The following ITGA9 variants were observed in gnomAD, a reference collection of about 807,000 sequenced individuals.
ITGA9 encodes integrin alpha-9.
ITGA9 carries 56 observed loss-of-function variants against 127.8 expected under a neutral mutation model. The observed-to-expected ratio is 0.44, with a 90% CI of 0.35 to 0.55. The LOEUF (loss-of-function observed/expected upper bound fraction) is 0.55, where lower values mean the gene tolerates loss of function less well. ITGA9 is among the 20% of genes least tolerant of loss of function. ITGA9 has a pLI of 0.00. For synonymous variants in ITGA9, 508 were observed against 514.5 expected (o/e 0.99, Z 0.17); for missense variants, 1,196 against 1,347.1 (o/e 0.89, Z 1.76).
chr3:37,481,043 A>G lies in ITGA9; in HGVS notation c.421-441A>G, dbSNP rs544602455. Among the ~76,000 whole-genome samples the G allele has an allele frequency of 9.9e-5, 15 of 151,754 alleles. No individual in the cohort carries two copies. In the South Asian group the frequency reaches 2.7e-3, roughly 27 times the overall value. On this transcript the variant is annotated intron_variant, in intron 3 of 27. Coordinates refer to ENST00000264741, the MANE Select transcript of ITGA9 (RefSeq NM_002207.3). Reference sequence around the variant, plus strand: ...ATCTTATCTCCTTCCCACCATGGTCACTCCAGACCGGCCTTTCTTTCTCTT... The same window carrying G: ...ATCTTATCTCCTTCCCACCATGGTCGCTCCAGACCGGCCTTTCTTTCTCTT...
intron 4 of ITGA9, among the ~76,000 whole-genome samples, chr3:37,482,070 C>T (rs1698561655): frequency 6.6e-6 from 1 of 152,316 alleles, no homozygotes; most frequent in East Asian, 1.9e-4. Flanking sequence ...CATTAGGCTC[C>T]CACACAGCTT....
chr3:37,521,800 T>C (rs1699046454), intron 11 of ITGA9, among the ~76,000 whole-genome samples: 1 of 152,188 alleles, frequency 6.6e-6, no homozygotes, highest in African/African-American at 2.4e-5. Context: ...TTTTAAGAAA[T>C]GTGCAGACAC....
intron 15 of ITGA9, among the ~76,000 whole-genome samples, chr3:37,594,034 C>T (rs1424988839): frequency 6.6e-6 from 1 of 152,252 alleles, no homozygotes; most frequent in Admixed American, 6.5e-5. Context: ...GCTGCAGCCA[C>T]AGGCCACTTT....
At chr3:37,718,224 T>C (rs921543762) in intron 18 of ITGA9, among the ~76,000 whole-genome samples, 1 of 152,228 alleles carries the variant, frequency 6.6e-6, no homozygotes, top group African/African-American at 2.4e-5. Flanking sequence ...TGAGAATTAT[T>C]GTGTAGAAGC....
chr3:37,744,958 G>A (rs1696483614), intron 22 of ITGA9, among the ~76,000 whole-genome samples: 1 of 152,198 alleles, frequency 6.6e-6, no homozygotes, highest in Non-Finnish European at 1.5e-5. Flanking sequence ...AAGGAGATGG[G>A]CCCAACTCAC....
chr3:37,650,520 C>T (rs763424472), intron 16 of ITGA9, among the ~76,000 whole-genome samples: 5 of 152,144 alleles, frequency 3.3e-5, no homozygotes, highest in Admixed American at 6.5e-5. Flanking sequence ...CACCCTCTCT[C>T]TCCTGGGTTC....
intron 27 of ITGA9, among the ~76,000 whole-genome samples, chr3:37,815,473 G>A (rs2125567899): frequency 6.6e-6 from 1 of 152,254 alleles, no homozygotes; most frequent in African/African-American, 2.4e-5. Flanking sequence ...GCTGGGCAGG[G>A]TGGTACACGC....
intron 10 of ITGA9, 142 bp downstream of exon 10, chr3:37,517,751 G>A: frequency 1.4e-6 from 1 of 711,204 alleles, no homozygotes; most frequent in Non-Finnish European, 2.5e-6. Flanking sequence ...CCATCAATGT[G>A]CTGTGGGGAG....
intron 17 of ITGA9, among the ~76,000 whole-genome samples, chr3:37,664,460 T>G (rs1700566326): frequency 1.3e-5 from 2 of 149,840 alleles, no homozygotes; most frequent in African/African-American, 4.9e-5. Context: ...GTTTCGCTCT[T>G]GTTGCCCAGG....
At chr3:37,600,617 C>A (rs1458374774) in intron 15 of ITGA9, among the ~76,000 whole-genome samples, 2 of 152,198 alleles carry the variant, frequency 1.3e-5, no homozygotes, top group Non-Finnish European at 2.9e-5. Flanking sequence ...ACACTGTCAC[C>A]TCCATCTCAA....
At chr3:37,598,793 C>T (rs941821413) in intron 15 of ITGA9, among the ~76,000 whole-genome samples, 2 of 152,134 alleles carry the variant, frequency 1.3e-5, no homozygotes, top group Non-Finnish European at 2.9e-5. Flanking sequence ...AGGGGAAGCT[C>T]AGAAGTCTCT....
chr3:37,553,349 T>A (rs1336119035), intron 15 of ITGA9, among the ~76,000 whole-genome samples: 1 of 152,210 alleles, frequency 6.6e-6, no homozygotes, highest in Non-Finnish European at 1.5e-5. Flanking sequence ...ATGTCCTTGG[T>A]AGCAAAAGAA....
intron 8 of ITGA9, among the ~76,000 whole-genome samples, chr3:37,509,714 C>T (rs540208234): frequency 7.2e-5 from 11 of 152,256 alleles, no homozygotes; most frequent in Admixed American, 5.9e-4. Flanking sequence ...TCTGCCTTCC[C>T]GAGAACTCTG....
chr3:37,545,543 T>G (rs1247197469), intron 15 of ITGA9, among the ~76,000 whole-genome samples: 1 of 152,224 alleles, frequency 6.6e-6, no homozygotes, highest in East Asian at 1.9e-4. Context: ...TAGGATTTTG[T>G]GATAAGGCAC....
intron 18 of ITGA9, among the ~76,000 whole-genome samples, chr3:37,684,499 C>T (rs576281084): frequency 1.8e-4 from 27 of 152,274 alleles, no homozygotes; most frequent in African/African-American, 6.5e-4. Context: ...TTTTTTGAGA[C>T]AAGTCTCGCT....
intron 18 of ITGA9, among the ~76,000 whole-genome samples, chr3:37,706,866 C>T (rs1180843065): frequency 6.6e-6 from 1 of 152,048 alleles, no homozygotes. Flanking sequence ...TTCTCATGAC[C>T]ACAATCAGTT....
chr3:37,645,322 A>G (rs1700366944), intron 16 of ITGA9, among the ~76,000 whole-genome samples: 1 of 152,226 alleles, frequency 6.6e-6, no homozygotes, highest in Admixed American at 6.5e-5. Flanking sequence ...TAATCCCAGC[A>G]GTTTGGGAGG....
At chr3:37,461,006 T>G (rs911741783) in intron 1 of ITGA9, among the ~76,000 whole-genome samples, 3 of 152,126 alleles carry the variant, frequency 2.0e-5, no homozygotes, top group African/African-American at 7.2e-5. Flanking sequence ...CCTTCCTATC[T>G]AGTGTCCAAG....
chr3:37,684,343 T>A (rs1360924828), intron 18 of ITGA9, among the ~76,000 whole-genome samples: 1 of 152,214 alleles, frequency 6.6e-6, no homozygotes, highest in African/African-American at 2.4e-5. Flanking sequence ...CACACACATG[T>A]TCTAGAGAAT....
Sources: gnomAD v4.1 joint callset for allele counts (sites outside exome capture counted in the v4.1 genomes callset) on GRCh38, gnomAD v4.1.1 for gene constraint, MANE v1.5 for transcripts, NCBI Gene and HGNC (gene_info 2026-07-23, HGNC 2026-07-21) for gene names.